RNF130: variants seen among roughly 807,000 people sequenced by gnomAD.
The protein encoded by RNF130 is E3 ubiquitin-protein ligase RNF130.
RNF130 carries 21 observed loss-of-function variants against 44.6 expected under a neutral mutation model. That is an observed-to-expected ratio of 0.47 (90% confidence interval 0.33 to 0.68). RNF130 has a LOEUF of 0.68. RNF130 is among the 30% of genes least tolerant of loss of function. The probability of loss-of-function intolerance (pLI) is 0.02; values close to 1 mark genes in which losing one functional copy is unlikely to be tolerated. For synonymous variants in RNF130, 214 were observed against 210.4 expected (o/e 1.02, Z -0.15); for missense variants, 479 against 560.6 (o/e 0.85, Z 1.47).
intron 3 of RNF130, among the ~76,000 whole-genome samples, chr5:179,996,724 T>C (rs954810582): frequency 6.6e-6 from 1 of 152,212 alleles, no homozygotes; most frequent in African/African-American, 2.4e-5. Flanking sequence ...TAGTATTTCG[T>C]TGGGGATTTA....
chr5:180,058,358 C>A (rs1044472027), intron 1 of RNF130, among the ~76,000 whole-genome samples: 1 of 152,080 alleles, frequency 6.6e-6, no homozygotes, highest in Admixed American at 6.5e-5. Context: ...TCACTTTATT[C>A]CCCAGGTTAA....
chr5:179,928,631 GTTTT>G (rs11346161), intron 7 of RNF130, among the ~76,000 whole-genome samples: 3 of 133,884 alleles, frequency 2.2e-5, no homozygotes, highest in African/African-American at 5.6e-5. Context: ...AATTGTTGTT[GTTTT>G]TTTTTTTTTT....
intron 3 of RNF130, among the ~76,000 whole-genome samples, chr5:180,006,140 T>C (rs1763458424): frequency 6.6e-6 from 1 of 152,168 alleles, no homozygotes; most frequent in African/African-American, 2.4e-5. Context: ...CCCTTTCCAG[T>C]TCTTCTGGAA....
At position 179,955,621 on chromosome 5, in the gene RNF130, G is replaced by A. The variant is rs762282750; in HGVS notation, c.*33C>T. ...AAAATAGGTTCTTTTTTCCTTCAAG[G>A]CAAAATCAGTCAGAAAGCAGGTTTT... On this transcript the variant is annotated 3_prime_UTR_variant, in exon 9 of 9. Coordinates refer to ENST00000521389, the MANE Select transcript of RNF130 (RefSeq NM_018434.6). 1.1e-5 allele frequency: 17 copies of A among 1,567,242 alleles called. 1 individual carries two copies. In the Middle Eastern group the frequency reaches 5.1e-4, roughly 47 times the overall value.
intron 7 of RNF130, among the ~76,000 whole-genome samples, chr5:179,966,059 A>C (rs1762436388): frequency 6.6e-6 from 1 of 152,198 alleles, no homozygotes; most frequent in African/African-American, 2.4e-5. Context: ...CATGTAGAGA[A>C]TGGAAGCGAA....
At chr5:180,061,068 C>CAA (rs57744473) in intron 1 of RNF130, among the ~76,000 whole-genome samples, 2,815 of 53,190 alleles carry the variant, frequency 0.053, 580 homozygotes, top group African/African-American at 0.17. Context: ...GACTCCGTCT[C>CAA]AAAAAAAAAA....
At chr5:180,055,272 A>AAAAAAAAAAAAAAAAAAAAAAC (rs1764786602) in intron 1 of RNF130, among the ~76,000 whole-genome samples, 1 of 18,900 alleles carries the variant, frequency 5.3e-5, no homozygotes, top group Non-Finnish European at 1.2e-4. Flanking sequence ...AAAAAAAAAA[A>AAAAAAAAAAAAAAAAAAAAAAC]AAAAAAAACA....
intron 7 of RNF130, chr5:179,933,730 C>T: frequency 5.6e-6 from 2 of 359,460 alleles, no homozygotes; most frequent in Non-Finnish European, 1.0e-5. Flanking sequence ...ACCATGTTGC[C>T]CAGGCTGGTC....
intron 4 of RNF130, among the ~76,000 whole-genome samples, chr5:179,979,687 C>A (rs1366672792): frequency 6.6e-6 from 1 of 152,192 alleles, no homozygotes; most frequent in Non-Finnish European, 1.5e-5. Flanking sequence ...GTCCTCCAAG[C>A]CACCAGGGAT....
intron 3 of RNF130, among the ~76,000 whole-genome samples, chr5:179,987,435 C>T (rs1188282808): frequency 1.3e-5 from 2 of 152,206 alleles, no homozygotes; most frequent in Non-Finnish European, 2.9e-5. Context: ...TCCCAAAGTG[C>T]TGCGATTACA....
At chr5:180,032,416 C>A (rs949303355) in intron 2 of RNF130, among the ~76,000 whole-genome samples, 2 of 152,084 alleles carry the variant, frequency 1.3e-5, no homozygotes, top group African/African-American at 4.8e-5. Context: ...CTGTGGCTCA[C>A]CTTAGAGTGC....
rs1262142460 is a variant in RNF130, at chr5:179,966,829, C to T, written c.1127G>A (p.Gly376Glu). 2.5e-6 allele frequency: 4 copies of T among 1,614,020 alleles called. No homozygotes were observed. Among genetic ancestry groups the T allele is most frequent in the Non-Finnish European group, 3.4e-6 (4 of 1,179,984 alleles). ...ACTTGTTACTGCAATGTTGATTTCT[C>T]CTGTTCTCGGAGTGAGCTCCCCATC... ...PQDGELTPRT[G>E]EINIAVTKEW... Residue 376 changes from glycine (G) to glutamate (E), a missense_variant, in exon 7 of 9, where the codon GGA becomes GAA. Gly to Glu is a moderately conservative substitution (Grantham distance 98). Transcript: ENST00000521389.
intron 1 of RNF130, among the ~76,000 whole-genome samples, chr5:180,041,237 A>C (rs1764412037): frequency 6.6e-6 from 1 of 152,232 alleles, no homozygotes; most frequent in Non-Finnish European, 1.5e-5. Flanking sequence ...TTGAAAGTTG[A>C]AGTAGTTAAA....
chr5:180,016,113 C>T (rs375248340), intron 2 of RNF130, among the ~76,000 whole-genome samples: 27 of 151,674 alleles, frequency 1.8e-4, no homozygotes, highest in African/African-American at 5.8e-4. Flanking sequence ...CCCTGCCGAT[C>T]GGGCAGGAGG....
At position 180,071,662 on chromosome 5, in the gene RNF130, G is replaced by A. The variant is rs1765274840; in HGVS notation, c.41C>T (p.Ala14Val). Reference sequence around the variant, plus strand: ...CAGGCTGCAGGTCAGCAGGGCGAGCGCGGCGAGCCGGGCAGGGCCCGCCCG... The same window carrying A: ...CAGGCTGCAGGTCAGCAGGGCGAGCACGGCGAGCCGGGCAGGGCCCGCCCG... ...AGRAGPARLA[A>V]LALLTCSLWP... Residue 14 changes from alanine (A) to valine (V), a missense_variant, in exon 1 of 9, where the codon GCG (alanine) becomes GTG (valine). Around this residue, in one of 3 missense-constraint regions of RNF130, gnomAD observed 138 missense variants for 126.9 expected, o/e 1.09. Coordinates refer to ENST00000521389, the MANE Select transcript of RNF130 (RefSeq NM_018434.6). 1.3e-5 allele frequency: 19 copies of A among 1,433,826 alleles called. No homozygotes were observed. Among genetic ancestry groups the A allele is most frequent in the Admixed American group, 2.5e-5 (1 of 40,074 alleles). The allele number at this position is 1,433,826 out of a possible 1,614,324, so 88.8% of individuals were successfully genotyped here. A position where few individuals can be genotyped will look rare whatever the true frequency, so the allele number is the denominator to read the frequency against.
chr5:180,022,793 T>C (rs1478847296), intron 2 of RNF130, among the ~76,000 whole-genome samples: 2 of 152,244 alleles, frequency 1.3e-5, no homozygotes, highest in Admixed American at 6.5e-5. Flanking sequence ...GTTTCAAGAT[T>C]TCACCTCCCT....
Position 179,924,536 on chromosome 5 carries a change from G to T in RNF130, c.1151-4110C>A, listed in dbSNP as rs569319250. Among the ~76,000 whole-genome samples, 309 of 151,726 alleles carry T rather than the reference G, an allele frequency of 2.0e-3. 1 individual carries two copies. Among genetic ancestry groups the T allele is most frequent in the Non-Finnish European group, 3.7e-3 (250 of 67,934 alleles). On this transcript the variant is annotated intron_variant, in intron 7 of 7. Transcript: ENST00000522208. ...ATACAGGCTGGGCGCAGTGGCTCAT[G>T]CCTGTAATCCCAGCACTTTGGGAGG...
chr5:179,995,138 G>A (rs983536600), intron 3 of RNF130, among the ~76,000 whole-genome samples: 1 of 152,268 alleles, frequency 6.6e-6, no homozygotes, highest in South Asian at 2.1e-4. Flanking sequence ...TTGCATCAAT[G>A]TCCCAGCACA....
At chr5:179,984,796 A>G (rs1480994732) in intron 3 of RNF130, among the ~76,000 whole-genome samples, 1 of 152,180 alleles carries the variant, frequency 6.6e-6, no homozygotes, top group African/African-American at 2.4e-5. Flanking sequence ...TAAGTTAAGC[A>G]TTTGAAATTA....
Sources: allele counts gnomAD v4.1 joint callset (sites outside exome capture counted in the v4.1 genomes callset), GRCh38; gene constraint gnomAD v4.1.1; regional missense constraint gnomAD v4.1.1; transcripts MANE v1.5; gene names NCBI Gene and HGNC (gene_info 2026-07-23, HGNC 2026-07-21).